The following UBR3 variants were observed in gnomAD, a reference collection of about 807,000 sequenced individuals.
The protein encoded by UBR3 is E3 ubiquitin-protein ligase UBR3.
UBR3 carries 85 observed loss-of-function variants against 243.2 expected under a neutral mutation model. That is an observed-to-expected ratio of 0.35 (90% confidence interval 0.29 to 0.42). The LOEUF is 0.42. UBR3 is among the 10% of genes least tolerant of loss of function. The pLI is 1.00. For missense variants in UBR3, 1,686 were observed against 2,300.8 expected (o/e 0.73, Z 5.47); for synonymous variants, 748 against 799.8 (o/e 0.94, Z 1.09).
chr2:170,047,198 G>T (rs954962864), intron 32 of UBR3, among the ~76,000 whole-genome samples: 3 of 151,488 alleles, frequency 2.0e-5, no homozygotes, highest in Non-Finnish European at 4.4e-5. Flanking sequence ...GGTGTCGGGG[G>T]GGGGGTCTCA....
At chr2:170,077,146 T>C (rs1413513267) in intron 36 of UBR3, 2 of 553,440 alleles carry the variant, frequency 3.6e-6, no homozygotes, top group Non-Finnish European at 7.1e-6. Flanking sequence ...GGCTGTTTGG[T>C]AGTATTCAGA....
At chr2:170,081,433 G>A (rs2091904418) in intron 38 of UBR3, among the ~76,000 whole-genome samples, 1 of 152,122 alleles carries the variant, frequency 6.6e-6, no homozygotes, top group Non-Finnish European at 1.5e-5. Flanking sequence ...TCGGGAGGCG[G>A]AGCTTGCAGT....
intron 11 of UBR3, among the ~76,000 whole-genome samples, chr2:169,917,759 A>G (rs780245514): frequency 3.9e-5 from 6 of 152,036 alleles, no homozygotes; most frequent in African/African-American, 1.2e-4. Flanking sequence ...CTGGGGTGCA[A>G]TGACACAATC....
intron 26 of UBR3, among the ~76,000 whole-genome samples, chr2:169,999,826 T>C (rs2089628587): frequency 6.6e-6 from 1 of 151,718 alleles, no homozygotes; most frequent in South Asian, 2.1e-4. Context: ...GAAAGAAACT[T>C]TTAAAACAAA....
At chr2:169,941,586 C>G (rs1345339338) in intron 19 of UBR3, among the ~76,000 whole-genome samples, 1 of 152,166 alleles carries the variant, frequency 6.6e-6, no homozygotes, top group East Asian at 1.9e-4. Flanking sequence ...TGTACACATT[C>G]ACCTAACTTT....
At chr2:169,953,777 G>A (rs2087142689) in intron 23 of UBR3, among the ~76,000 whole-genome samples, 1 of 152,142 alleles carries the variant, frequency 6.6e-6, no homozygotes, top group Non-Finnish European at 1.5e-5. Context: ...AATTGTAAGT[G>A]TACATGTTTA....
chr2:169,954,639 G>A (rs559795390), intron 23 of UBR3, among the ~76,000 whole-genome samples: 9 of 149,008 alleles, frequency 6.0e-5, no homozygotes, highest in Admixed American at 5.4e-4. Flanking sequence ...GCAGTGGCGC[G>A]ATCTCAGCTC....
At chr2:169,916,406 G>A (rs1241328097) in intron 11 of UBR3, among the ~76,000 whole-genome samples, 2 of 151,972 alleles carry the variant, frequency 1.3e-5, no homozygotes, top group Non-Finnish European at 2.9e-5. Flanking sequence ...CTGCATGGAT[G>A]CCCTCTTTTC....
At chr2:170,070,953 G>T (rs1461618215) in intron 35 of UBR3, among the ~76,000 whole-genome samples, 2 of 151,952 alleles carry the variant, frequency 1.3e-5, no homozygotes, top group Non-Finnish European at 1.5e-5. Context: ...CACAAAAGTG[G>T]GCAAAACACT....
At chr2:169,852,643 G>A (rs1200710710) in intron 1 of UBR3, among the ~76,000 whole-genome samples, 2 of 149,064 alleles carry the variant, frequency 1.3e-5, no homozygotes. Flanking sequence ...AGGGATTTGA[G>A]ACCAGGTTGA....
chr2:169,963,002 G>C (rs1392814679), intron 24 of UBR3, among the ~76,000 whole-genome samples: 1 of 152,160 alleles, frequency 6.6e-6, no homozygotes, highest in Non-Finnish European at 1.5e-5. Flanking sequence ...GAGAAGGGCT[G>C]ACTGCTCTAG....
chr2:170,038,494 T>G (rs1219065335), intron 31 of UBR3, among the ~76,000 whole-genome samples: 1 of 152,134 alleles, frequency 6.6e-6, no homozygotes, highest in Non-Finnish European at 1.5e-5. Flanking sequence ...GGAAACTTCT[T>G]CCAGGCACTA....
In UBR3 at chr2:169,905,163, G is replaced by A; in HGVS notation, c.1515G>A (p.Leu505=). 1 of 1,541,910 alleles carries A rather than the reference G, an allele frequency of 6.5e-7. No individual in the cohort carries two copies. The highest frequency in any genetic ancestry group is 8.8e-7 in the Non-Finnish European group (1 of 1,142,790). Residue 505 remains leucine, a synonymous_variant, in exon 9 of 39, where the codon CTG becomes CTA. Coordinates refer to ENST00000272793, the MANE Select transcript of UBR3 (RefSeq NM_172070.4). ...TAGTGAACTGTGGAGAAGCATTACT[G>A]AAGAATAACACTTACTGGCCTCTTG... ...HVVVNCGEAL[L]KNNTYWPLVS...
chr2:169,950,707 C>CT (rs1430541691), intron 23 of UBR3, among the ~76,000 whole-genome samples: 22 of 150,978 alleles, frequency 1.5e-4, no homozygotes, highest in Non-Finnish European at 3.1e-4. Context: ...TGGTTTGGTT[C>CT]TTTTTTTTAG....
chr2:170,053,895 G>T (rs1005251189), intron 32 of UBR3, among the ~76,000 whole-genome samples: 1 of 152,122 alleles, frequency 6.6e-6, no homozygotes, highest in African/African-American at 2.4e-5. Flanking sequence ...TCAGACCTGG[G>T]TGCTTATTAG....
At chr2:169,882,301 T>G (rs1255145572) in intron 5 of UBR3, among the ~76,000 whole-genome samples, 1 of 141,236 alleles carries the variant, frequency 7.1e-6, no homozygotes, top group Non-Finnish European at 1.5e-5. Flanking sequence ...TGTATATTTA[T>G]GTATATTATA....
At position 170,043,520 on chromosome 2, in the gene UBR3, A is replaced by G. The variant is rs1048803601; in HGVS notation, c.4660+2535A>G. ...ATAAATAGAATAAATTCAGGAAATCATCAATGTAAAAATGTATAATATTGT... is the reference window on the plus strand; with the variant it reads ...ATAAATAGAATAAATTCAGGAAATCGTCAATGTAAAAATGTATAATATTGT... On this transcript the variant is annotated intron_variant, in intron 32 of 38. Coordinates refer to ENST00000272793, the MANE Select transcript of UBR3 (RefSeq NM_172070.4). Among the ~76,000 whole-genome samples, 4 of 152,364 alleles carry G rather than the reference A, an allele frequency of 2.6e-5. No individual in the cohort carries two copies. The South Asian group carries it at 6.2e-4, about 24-fold the overall frequency.
intron 5 of UBR3, among the ~76,000 whole-genome samples, chr2:169,879,901 T>C (rs1330038994): frequency 6.6e-6 from 1 of 152,178 alleles, no homozygotes; most frequent in Non-Finnish European, 1.5e-5. Flanking sequence ...TTCAAAAACA[T>C]ATAAACATTA....
intron 5 of UBR3, among the ~76,000 whole-genome samples, chr2:169,890,540 G>GATATATATATATAT (rs1188196959): frequency 2.6e-5 from 2 of 75,998 alleles, no homozygotes; most frequent in African/African-American, 1.3e-4. Flanking sequence ...GAGAGAGAGA[G>GATATATATATATAT]ATATATATAT....
Sources: allele counts gnomAD v4.1 joint callset (sites outside exome capture counted in the v4.1 genomes callset), GRCh38; gene constraint gnomAD v4.1.1; transcripts MANE v1.5; gene names NCBI Gene and HGNC (gene_info 2026-07-23, HGNC 2026-07-21).